Variants in FHOD3 observed in about 807,000 individuals in gnomAD.
The protein encoded by FHOD3 is formin homology 2 domain containing 3, also known as FH1/FH2 domain-containing protein 3.
A neutral mutation model predicts 173.0 loss-of-function variants in FHOD3; 90 were observed. The ratio of observed to expected loss-of-function variants is 0.52; its 90% CI spans 0.44 to 0.62. FHOD3 has a LOEUF of 0.62. Among genes scored for constraint, FHOD3 ranks in the 20% least tolerant of loss-of-function variants. FHOD3 has a pLI of 0.00. For missense variants in FHOD3, 1,945 were observed against 2,034.7 expected (o/e 0.96, Z 0.85); for synonymous variants, 828 against 823.0 (o/e 1.01, Z -0.10).
At chr18:36,730,567 G>A in intron 19 of FHOD3, 79 bp from the exon 20 acceptor site, 1 of 1,411,774 alleles carries the variant, frequency 7.1e-7, no homozygotes, top group Non-Finnish European at 9.8e-7. Context: ...TAAATAAGTA[G>A]TGAGTGCTTT....
chr18:36,738,070 G>A lies in FHOD3; in HGVS notation c.3577-2586G>A, dbSNP rs184741614. Among the ~76,000 whole-genome samples the A allele has an allele frequency of 8.5e-5, 13 of 152,322 alleles. No homozygotes were observed. The East Asian group carries it at 1.3e-3, about 16-fold the overall frequency. ...ACTGTGGTTTTGTCTTTTCAAGAAT[G>A]TCCTGTAAATAGCATGTAACCTTTT... On this transcript the variant is annotated intron_variant, in intron 20 of 28. Transcript: ENST00000590592.
chr18:36,545,826 C>G (rs1183260840), intron 5 of FHOD3, among the ~76,000 whole-genome samples: 1 of 152,154 alleles, frequency 6.6e-6, no homozygotes, highest in Non-Finnish European at 1.5e-5. Flanking sequence ...TGAGTAAAAA[C>G]CTTACGTATC....
rs375260095 is a variant in FHOD3, at chr18:36,478,978, G to A, written c.338-22954G>A. On this transcript the variant is annotated intron_variant, in intron 3 of 28. Transcript: ENST00000590592. ...GGATTCTAAATATACCTTATACAAC[G>A]TATAAAAAGACAAGATTTGATGGAC... 2.2e-4 allele frequency among the ~76,000 whole-genome samples: 33 copies of A among 152,198 alleles called. 1 individual carries two copies. Among genetic ancestry groups the A allele is most frequent in the East Asian group, 9.6e-4 (5 of 5,182 alleles).
chr18:36,480,200 T>A (rs2145447835), intron 3 of FHOD3, among the ~76,000 whole-genome samples: 2 of 152,324 alleles, frequency 1.3e-5, no homozygotes, highest in South Asian at 4.2e-4. Context: ...TACCTTTTCC[T>A]CCTCAGTGCT....
At chr18:36,489,626 C>T (rs1291917111) in intron 3 of FHOD3, among the ~76,000 whole-genome samples, 3 of 152,104 alleles carry the variant, frequency 2.0e-5, no homozygotes, top group Non-Finnish European at 4.4e-5. Flanking sequence ...GAGCCATGTT[C>T]ATACTCCCAC....
At chr18:36,320,779 C>A (rs1377929214) in intron 1 of FHOD3, among the ~76,000 whole-genome samples, 2 of 152,172 alleles carry the variant, frequency 1.3e-5, no homozygotes, top group Non-Finnish European at 1.5e-5. Flanking sequence ...GAGTAATTAC[C>A]TGTAGTGTTT....
At chr18:36,569,758 A>G (rs936140224) in intron 5 of FHOD3, among the ~76,000 whole-genome samples, 1 of 152,160 alleles carries the variant, frequency 6.6e-6, no homozygotes, top group African/African-American at 2.4e-5. Flanking sequence ...ATTAAACTGT[A>G]AATCAGTAAC....
At chr18:36,609,106 G>A (rs1484647530) in intron 8 of FHOD3, among the ~76,000 whole-genome samples, 1 of 152,256 alleles carries the variant, frequency 6.6e-6, no homozygotes, top group Non-Finnish European at 1.5e-5. Context: ...ACTTGTCACA[G>A]GCCTTGTCAA....
At chr18:36,620,968 T>C (rs1179522136) in intron 9 of FHOD3, among the ~76,000 whole-genome samples, 1 of 152,196 alleles carries the variant, frequency 6.6e-6, no homozygotes, top group East Asian at 1.9e-4. Flanking sequence ...CCTTCTAGAA[T>C]TCTTCCTAAT....
intron 5 of FHOD3, among the ~76,000 whole-genome samples, chr18:36,562,310 C>A (rs540359945): frequency 2.6e-5 from 4 of 152,156 alleles, no homozygotes; most frequent in Non-Finnish European, 5.9e-5. Flanking sequence ...AGCCACTGCA[C>A]CCGGCCATGA....
intron 1 of FHOD3, among the ~76,000 whole-genome samples, chr18:36,330,339 A>T (rs1311815919): frequency 6.6e-6 from 1 of 152,222 alleles, no homozygotes; most frequent in Non-Finnish European, 1.5e-5. Flanking sequence ...CACCAAAAGG[A>T]AATAACATTT....
intron 19 of FHOD3, among the ~76,000 whole-genome samples, chr18:36,729,906 A>G (rs1270952411): frequency 4.6e-5 from 7 of 152,228 alleles, no homozygotes; most frequent in African/African-American, 1.7e-4. Context: ...CCACCTGGGA[A>G]GCCACACATA....
At chr18:36,723,096 A>C (rs769516945) in intron 19 of FHOD3, among the ~76,000 whole-genome samples, 30 of 152,258 alleles carry the variant, frequency 2.0e-4, no homozygotes, top group Non-Finnish European at 4.1e-4. Context: ...CCAGAGAAAG[A>C]TGTCAGGGCC....
At chr18:36,405,077 A>G (rs1377474278) in intron 3 of FHOD3, among the ~76,000 whole-genome samples, 2 of 152,234 alleles carry the variant, frequency 1.3e-5, no homozygotes, top group African/African-American at 2.4e-5. Context: ...TGGGGTATCC[A>G]TAGCTGGGGC....
intron 5 of FHOD3, among the ~76,000 whole-genome samples, chr18:36,520,808 G>A (rs1287975813): frequency 1.3e-5 from 2 of 152,222 alleles, no homozygotes; most frequent in Non-Finnish European, 2.9e-5. Flanking sequence ...CACAGAGAGT[G>A]TGGAATTTTC....
intron 3 of FHOD3, among the ~76,000 whole-genome samples, chr18:36,450,584 G>A (rs1249398536): frequency 1.3e-5 from 2 of 152,058 alleles, no homozygotes; most frequent in African/African-American, 4.8e-5. Context: ...TTGAGGCCAG[G>A]AGTTCGAGAC....
intron 5 of FHOD3, among the ~76,000 whole-genome samples, chr18:36,539,176 G>C (rs2057109861): frequency 6.6e-6 from 1 of 152,222 alleles, no homozygotes; most frequent in South Asian, 2.1e-4. Context: ...GTTCAACGAA[G>C]TGATATCATA....
intron 3 of FHOD3, among the ~76,000 whole-genome samples, chr18:36,501,241 C>T (rs1188863279): frequency 6.6e-6 from 1 of 152,232 alleles, no homozygotes; most frequent in Non-Finnish European, 1.5e-5. Flanking sequence ...CCAGAACCAT[C>T]CTTGAACATG....
chr18:36,606,556 C>T (rs2032096293), intron 8 of FHOD3, among the ~76,000 whole-genome samples: 1 of 152,100 alleles, frequency 6.6e-6, no homozygotes, highest in Non-Finnish European at 1.5e-5. Flanking sequence ...TGCCCCCTGT[C>T]CCCAAAATTC....
Sources: allele counts gnomAD v4.1 joint callset (sites outside exome capture counted in the v4.1 genomes callset), GRCh38; gene constraint gnomAD v4.1.1; transcripts MANE v1.5; gene names NCBI Gene and HGNC (gene_info 2026-07-23, HGNC 2026-07-21).